Variants in CCL16 observed in about 807,000 individuals in gnomAD.
The protein encoded by CCL16 is C-C motif chemokine ligand 16, also known as C-C motif chemokine 16.
A neutral mutation model predicts 7.5 loss-of-function variants in CCL16; 6 were observed. The observed-to-expected ratio is 0.80, with a 90% CI of 0.44 to 1.57. The LOEUF is 1.57. Ranked by LOEUF, CCL16 falls within the 40% of genes most tolerant of loss-of-function variation. The pLI is 0.01. For synonymous variants in CCL16, 60 were observed against 57.7 expected, an observed-to-expected ratio of 1.04 and a Z score of -0.18; for missense variants, 134 against 142.9, an observed-to-expected ratio of 0.94 and a Z score of 0.32.
intron 2 of CCL16, 108 bp downstream of exon 2, chr17:35,978,035 C>T (rs11080368): frequency 4.7e-6 from 7 of 1,479,554 alleles, no homozygotes; most frequent in Middle Eastern, 3.7e-4. Flanking sequence ...AACCCTTAGC[C>T]ACTGCTCCAC....
In CCL16 at chr17:35,978,064, C is replaced by T. The variant is rs189408858; in HGVS notation, c.197+79G>A. 3.5e-3 allele frequency: 5,594 copies of T among 1,587,948 alleles called. 16 individuals are homozygous for T. Among genetic ancestry groups the T allele is most frequent in the Non-Finnish European group, 4.4e-3 (5,103 of 1,159,756 alleles). ...GCTCCACTGCTTCTAGCATGGAGAC[C>T]TCTTGATCCCATGTATCTCATTCCT... On this transcript the variant is annotated intron_variant, in intron 2 of 2. Coordinates refer to ENST00000611905, the MANE Select transcript of CCL16 (RefSeq NM_004590.4).
In CCL16 at chr17:35,977,607, T is replaced by C; in HGVS notation, c.322A>G (p.Thr108Ala). 4.3e-6 allele frequency: 7 copies of C among 1,612,636 alleles called. No homozygotes were observed. The highest frequency in any genetic ancestry group is 5.9e-6 in the Non-Finnish European group (7 of 1,179,998). ...TRNLSTVKII[T>A]AKNGQPQLLN... ...AGCTGGGGTTGACCATTCTTTGCTGTAATAATTTTAACCGTGGACAAGTTC... is the reference window on the plus strand; with the variant it reads ...AGCTGGGGTTGACCATTCTTTGCTGCAATAATTTTAACCGTGGACAAGTTC... The change falls in exon 3 of 3, where the codon ACA becomes GCA. Residue 108 changes from threonine (T) to alanine (A), a missense_variant. Physicochemically the swap from Thr to Ala is moderately conservative, Grantham distance 58. Transcript: ENST00000611905.
Position 35,977,523 on chromosome 17 carries a change from C to T in CCL16, c.*43G>A. 1.3e-6 allele frequency: 2 copies of T among 1,584,916 alleles called. No individual in the cohort carries two copies. The highest frequency in any genetic ancestry group is 1.7e-6 in the Non-Finnish European group (2 of 1,160,554). On this transcript the variant is annotated 3_prime_UTR_variant, in exon 3 of 3. Coordinates refer to ENST00000611905, the MANE Select transcript of CCL16 (RefSeq NM_004590.4). ...GGCTTCCCCTGTTTTCATAGGTTTA[C>T]CCCTCTCTTCTGTAAACAAGGGCTT...
intron 1 of CCL16, among the ~76,000 whole-genome samples, chr17:35,979,364 A>G (rs1446930812): frequency 6.6e-6 from 1 of 152,102 alleles, no homozygotes; most frequent in Non-Finnish European, 1.5e-5. Flanking sequence ...TCTTAGAGGT[A>G]TTGGAGAGGC....
intron 1 of CCL16, among the ~76,000 whole-genome samples, chr17:35,980,692 C>T (rs2089674488): frequency 6.6e-6 from 1 of 152,104 alleles, no homozygotes. Flanking sequence ...CAAAACAAAC[C>T]CCCTCCTCCA....
chr17:35,981,387 CA>C lies in CCL16; in HGVS notation c.33del (p.Val12SerfsTer20). On this transcript the variant is annotated frameshift_variant, in exon 1 of 3. Coordinates refer to ENST00000611905, the MANE Select transcript of CCL16 (RefSeq NM_004590.4). LOFTEE classifies it high-confidence loss of function. Reference protein sequence around the residue: MKVSEAALSLLVLILIITSAS... With the variant: MKVSEAALSLXVLILIITSAS... ...GCCGAAGTAATGATAAGGATGAGGA[CA>C]AGGAGAGACAGGGCAGCCTCGGAGA... 1.2e-6 allele frequency: 2 copies of C among 1,613,006 alleles called. No homozygotes were observed. Among genetic ancestry groups the C allele is most frequent in the Non-Finnish European group, 1.7e-6 (2 of 1,179,584 alleles).
chr17:35,979,785 T>A (rs2089667331), intron 1 of CCL16, among the ~76,000 whole-genome samples: 8 of 152,164 alleles, frequency 5.3e-5, no homozygotes, highest in Admixed American at 5.2e-4. Context: ...TTGGTTATTG[T>A]CACTGTGTTT....
chr17:35,979,561 A>G (rs2089665268), intron 1 of CCL16, among the ~76,000 whole-genome samples: 1 of 152,128 alleles, frequency 6.6e-6, no homozygotes, highest in Non-Finnish European at 1.5e-5. Flanking sequence ...TCATCTATTA[A>G]GTGGGGGTAA....
chr17:35,977,585 T>G lies in CCL16; in HGVS notation c.344A>C (p.Gln115Pro). The G allele has an allele frequency of 6.2e-7, 1 of 1,612,680 alleles. No homozygotes were observed. The highest frequency in any genetic ancestry group is 8.5e-7 in the Non-Finnish European group (1 of 1,179,958). Reference sequence around the variant, plus strand: ...TGGTCATCACTGGGAGTTGAGGAGCTGGGGTTGACCATTCTTTGCTGTAAT... The same window carrying G: ...TGGTCATCACTGGGAGTTGAGGAGCGGGGGTTGACCATTCTTTGCTGTAAT... ...KIITAKNGQP[Q>P]LLNSQ The change falls in exon 3 of 3, where the codon CAG becomes CCG. Residue 115 changes from glutamine to proline, a missense_variant. Coordinates refer to ENST00000611905, the MANE Select transcript of CCL16 (RefSeq NM_004590.4).
chr17:35,981,225 T>TG, intron 1 of CCL16, 120 bp downstream of exon 1: 1 of 637,232 alleles, frequency 1.6e-6, no homozygotes, highest in Middle Eastern at 3.7e-4. Flanking sequence ...TGCATGAAGG[T>TG]GGGGAGAGCC....
rs267604820 is a variant in CCL16, at chr17:35,977,573, G to A, written c.356C>T (p.Ser119Phe). 2 of 1,612,672 alleles carry A rather than the reference G, an allele frequency of 1.2e-6. No homozygotes were observed. The highest frequency in any genetic ancestry group is 1.7e-6 in the Non-Finnish European group (2 of 1,179,950). The change falls in exon 3 of 3, where the codon TCC becomes TTC. Residue 119 changes from serine (S) to phenylalanine (F), a missense_variant. Physicochemically the swap from Ser to Phe is radical, Grantham distance 155. Transcript: ENST00000611905. ...AKNGQPQLLN[S>F]Q The stretch of plus-strand genomic sequence containing the variant: ...TCCACTAAAGCCTGGTCATCACTGG[G>A]AGTTGAGGAGCTGGGGTTGACCATT...
intron 1 of CCL16, 77 bp downstream of exon 1, chr17:35,981,268 C>T (rs1450991609): frequency 6.1e-6 from 6 of 986,572 alleles, no homozygotes; most frequent in South Asian, 1.4e-5. Flanking sequence ...GACCCGACAG[C>T]GCCCTTGGCA....
At chr17:35,978,695 C>T (rs560306934) in intron 1 of CCL16, among the ~76,000 whole-genome samples, 17 of 152,326 alleles carry the variant, frequency 1.1e-4, no homozygotes, top group Non-Finnish European at 2.5e-4. Context: ...ACAAACACTA[C>T]CACAGAATGT....
At chr17:35,980,469 C>G (rs1430864442) in intron 1 of CCL16, 1 of 161,380 alleles carries the variant, frequency 6.2e-6, no homozygotes, top group Non-Finnish European at 1.4e-5. Flanking sequence ...TGTGGTGAGC[C>G]GAGATCGCGA....
intron 1 of CCL16, among the ~76,000 whole-genome samples, chr17:35,980,180 G>A (rs1277467767): frequency 6.6e-6 from 1 of 152,184 alleles, no homozygotes; most frequent in East Asian, 1.9e-4. Flanking sequence ...TTGCTCCTTT[G>A]TGTTTACACA....
At chr17:35,977,939 C>A (rs943747979) in intron 2 of CCL16, among the ~76,000 whole-genome samples, 1 of 152,160 alleles carries the variant, frequency 6.6e-6, no homozygotes, top group Non-Finnish European at 1.5e-5. Context: ...CAGCCTAGAC[C>A]CTCAAGCTTG....
intron 1 of CCL16, among the ~76,000 whole-genome samples, chr17:35,978,490 G>C (rs960441577): frequency 5.9e-5 from 9 of 152,330 alleles, no homozygotes; most frequent in African/African-American, 2.2e-4. Flanking sequence ...AAATGACTTA[G>C]TTATTCACAC....
chr17:35,978,514 G>A (rs773058070), intron 1 of CCL16, among the ~76,000 whole-genome samples: 4 of 152,216 alleles, frequency 2.6e-5, no homozygotes, highest in African/African-American at 4.8e-5. Context: ...CCAAGGAACC[G>A]GGAGGAAGCT....
chr17:35,977,867 C>T, intron 2 of CCL16, 136 bp from the exon 3 acceptor site: 1 of 996,272 alleles, frequency 1.0e-6, no homozygotes, highest in East Asian at 2.5e-5. Context: ...TGGGTTCCCT[C>T]AGACAGCCTC....
Sources: gnomAD v4.1 joint callset for allele counts (sites outside exome capture counted in the v4.1 genomes callset) on GRCh38, gnomAD v4.1.1 for gene constraint, MANE v1.5 for transcripts, NCBI Gene and HGNC (gene_info 2026-07-23, HGNC 2026-07-21) for gene names.